The following ULK4 variants were observed in gnomAD, a reference collection of about 807,000 sequenced individuals.
The protein encoded by ULK4 is inactive serine/threonine-protein kinase ULK4.
A neutral mutation model predicts 160.6 loss-of-function variants in ULK4; 133 were observed. That is an observed-to-expected ratio of 0.83 (90% CI 0.72 to 0.96). ULK4 has a LOEUF of 0.96. Among genes scored for constraint, ULK4 ranks in the 40% least tolerant of loss-of-function variants. ULK4 has a pLI of 0.00. For missense variants in ULK4, 1,580 were observed against 1,499.5 expected, an observed-to-expected ratio of 1.05 and a Z score of -0.89; for synonymous variants, 534 against 539.8, an observed-to-expected ratio of 0.99 and a Z score of 0.15.
At chr3:41,630,007 C>A (rs1469823240) in intron 30 of ULK4, among the ~76,000 whole-genome samples, 2 of 152,106 alleles carry the variant, frequency 1.3e-5, no homozygotes, top group Non-Finnish European at 2.9e-5. Context: ...GCTTCCTCAC[C>A]AGTCTGAGTA....
At chr3:41,739,607 A>G (rs1473930165) in intron 22 of ULK4, among the ~76,000 whole-genome samples, 1 of 151,964 alleles carries the variant, frequency 6.6e-6, no homozygotes, top group African/African-American at 2.4e-5. Flanking sequence ...GGTGACAAGA[A>G]GTTCTGAGAA....
intron 35 of ULK4, among the ~76,000 whole-genome samples, chr3:41,317,486 T>G (rs1032571709): frequency 6.0e-5 from 9 of 150,338 alleles, no homozygotes; most frequent in African/African-American, 2.3e-4. Flanking sequence ...GATAATGATA[T>G]TATTGATAAC....
intron 19 of ULK4, among the ~76,000 whole-genome samples, chr3:41,809,983 T>C (rs1427011144): frequency 4.6e-5 from 7 of 152,236 alleles, no homozygotes; most frequent in Admixed American, 4.6e-4. Flanking sequence ...TGGAATAAGA[T>C]GACAGCTAAT....
In ULK4 at chr3:41,715,277, A is replaced by G; in HGVS notation, c.2594T>C (p.Val865Ala). The G allele has an allele frequency of 6.2e-7, 1 of 1,613,854 alleles. No homozygotes were observed. The highest frequency in any genetic ancestry group is 8.5e-7 in the Non-Finnish European group (1 of 1,180,002). Residue 865 changes from valine to alanine, a missense_variant, in exon 25 of 37, where the codon GTT (valine) becomes GCT (alanine). Physicochemically the swap from Val to Ala is moderately conservative, Grantham distance 64. Coordinates refer to ENST00000301831, the MANE Select transcript of ULK4 (RefSeq NM_017886.4). ...LVTSQVFRPQ[V>A]VTEEFLFSYG... is the part of the protein sequence containing the mutation. ...GCTGAAAAGAAACTCTTCTGTCACA[A>G]CTTGAGGTCGAAATACCTGTGTGAT... is the stretch of plus-strand genomic sequence containing the variant.
intron 35 of ULK4, among the ~76,000 whole-genome samples, chr3:41,397,839 G>A (rs772174561): frequency 1.3e-5 from 2 of 152,164 alleles, no homozygotes; most frequent in African/African-American, 2.4e-5. Context: ...TAAGGAGTGT[G>A]AGGCACAATG....
Position 41,842,767 on chromosome 3 carries a change from C to T in ULK4, c.1657-6796G>A, listed in dbSNP as rs114015697. ...CTCTTTTCTTTATAAATTATCCTGC[C>T]TCAGGTATTCCTTTACAACAAAGCA... On this transcript the variant is annotated intron_variant, in intron 17 of 36. Coordinates refer to ENST00000301831, the MANE Select transcript of ULK4 (RefSeq NM_017886.4). 7.8e-3 allele frequency among the ~76,000 whole-genome samples: 1,195 copies of T among 152,288 alleles called. 15 individuals are homozygous for T. Among genetic ancestry groups the T allele is most frequent in the African/African-American group, 0.028 (1,150 of 41,528 alleles).
Position 41,865,270 on chromosome 3 carries a change from TTAAAAAAAAA to T in ULK4, c.1656+18594_1656+18603del, listed in dbSNP as rs1479545377. Among the ~76,000 whole-genome samples the T allele has an allele frequency of 7.1e-3, 467 of 65,608 alleles. 9 individuals carry two copies. Among genetic ancestry groups the T allele is most frequent in the African/African-American group, 0.028 (443 of 16,022 alleles). The allele number at this position is 65,608 out of a possible 152,430, so 43.0% of individuals were successfully genotyped here. A position where few individuals can be genotyped will look rare whatever the true frequency, so the allele number is the denominator to read the frequency against. On this transcript the variant is annotated intron_variant, in intron 17 of 36. Coordinates refer to ENST00000301831, the MANE Select transcript of ULK4 (RefSeq NM_017886.4). Reference sequence around the variant, plus strand: ...TGGGCAACAGAGCAAGACTCTGTCTTTAAAAAAAAAAAAAAAAAAAAAAAAAAAAAAAAAA... The same window carrying T: ...TGGGCAACAGAGCAAGACTCTGTCTTAAAAAAAAAAAAAAAAAAAAAAAAA...
chr3:41,285,965 G>A (rs1202964382), intron 35 of ULK4, among the ~76,000 whole-genome samples: 1 of 152,204 alleles, frequency 6.6e-6, no homozygotes, highest in East Asian at 1.9e-4. Flanking sequence ...CACCAGGGAG[G>A]AAAATTTGGT....
intron 4 of ULK4, among the ~76,000 whole-genome samples, chr3:41,933,591 G>C (rs568055597): frequency 4.5e-4 from 69 of 152,178 alleles, no homozygotes; most frequent in African/African-American, 1.6e-3. Context: ...CATAACAGCT[G>C]ATAATAAATC....
intron 32 of ULK4, among the ~76,000 whole-genome samples, chr3:41,543,297 T>G (rs186613518): frequency 1.8e-4 from 27 of 152,210 alleles, no homozygotes; most frequent in Non-Finnish European, 3.4e-4. Context: ...GGAACAATAT[T>G]CAAGGAGGTG....
intron 30 of ULK4, among the ~76,000 whole-genome samples, chr3:41,654,094 T>G (rs2034844550): frequency 6.6e-6 from 1 of 152,228 alleles, no homozygotes; most frequent in African/African-American, 2.4e-5. Flanking sequence ...ATCACTGTGT[T>G]GAAATAACTA....
chr3:41,839,133 A>T (rs950668481), intron 17 of ULK4, among the ~76,000 whole-genome samples: 1 of 152,096 alleles, frequency 6.6e-6, no homozygotes, highest in Non-Finnish European at 1.5e-5. Flanking sequence ...GTGGATCATG[A>T]GCTCAGGAGT....
intron 22 of ULK4, among the ~76,000 whole-genome samples, chr3:41,718,586 C>T (rs1248169017): frequency 6.6e-6 from 1 of 152,052 alleles, no homozygotes. Flanking sequence ...CTCAAGTTCC[C>T]ATTCCCCCCA....
intron 30 of ULK4, among the ~76,000 whole-genome samples, chr3:41,633,562 A>G (rs2033831281): frequency 6.6e-6 from 1 of 152,198 alleles, no homozygotes; most frequent in African/African-American, 2.4e-5. Context: ...AAGATTAAGT[A>G]AAGCAATGTC....
intron 32 of ULK4, among the ~76,000 whole-genome samples, chr3:41,553,867 T>C (rs2087180438): frequency 6.6e-6 from 1 of 152,154 alleles, no homozygotes; most frequent in South Asian, 2.1e-4. Context: ...AAACATACAA[T>C]TAAATTATTT....
At chr3:41,873,764 G>C (rs2125695135) in intron 17 of ULK4, among the ~76,000 whole-genome samples, 1 of 152,126 alleles carries the variant, frequency 6.6e-6, no homozygotes, top group South Asian at 2.1e-4. Flanking sequence ...TATTGGTTAG[G>C]ATGGTCTCAA....
intron 31 of ULK4, among the ~76,000 whole-genome samples, chr3:41,581,447 C>A (rs2700465): frequency 0.93 from 141,002 of 152,242 alleles, 65,774 homozygotes; most frequent in Middle Eastern, 0.97. Flanking sequence ...ACATAGATCT[C>A]CAATAAACCC....
intron 32 of ULK4, among the ~76,000 whole-genome samples, chr3:41,543,768 T>A (rs2125956302): frequency 6.6e-6 from 1 of 152,314 alleles, no homozygotes; most frequent in Admixed American, 6.5e-5. Context: ...TATTTTCAAA[T>A]TAGCTGACTC....
intron 27 of ULK4, among the ~76,000 whole-genome samples, chr3:41,685,340 G>C (rs1161133268): frequency 6.6e-6 from 1 of 152,116 alleles, no homozygotes; most frequent in Non-Finnish European, 1.5e-5. Context: ...GAGTAGCAAT[G>C]GGGCTTGGCT....
Sources: allele counts gnomAD v4.1 joint callset (sites outside exome capture counted in the v4.1 genomes callset), GRCh38; gene constraint gnomAD v4.1.1; transcripts MANE v1.5; gene names NCBI Gene and HGNC (gene_info 2026-07-23, HGNC 2026-07-21).